CRPPA: variants seen among roughly 807,000 people sequenced by gnomAD.
CRPPA encodes the protein D-ribitol-5-phosphate cytidylyltransferase.
Under a neutral mutation model 52.0 loss-of-function variants are expected in CRPPA, and 43 were observed. The ratio of observed to expected loss-of-function variants is 0.83; its 90% CI spans 0.65 to 1.07. CRPPA has a LOEUF of 1.07. CRPPA is among the 50% of genes least tolerant of loss of function. CRPPA has a pLI of 0.00. For missense variants in CRPPA, 629 were observed against 551.7 expected (o/e 1.14, Z -1.40); for synonymous variants, 250 against 203.5 (o/e 1.23, Z -1.94).
chr7:16,421,007 G>A, intron 1 of CRPPA, 59 bp downstream of exon 1: 1 of 1,249,414 alleles, frequency 8.0e-7, no homozygotes, highest in Non-Finnish European at 1.0e-6. Flanking sequence ...GCAGCGGCAG[G>A]GCGGGGAGCG....
At chr7:16,224,858 A>G (rs1477784034) in intron 8 of CRPPA, among the ~76,000 whole-genome samples, 1 of 152,214 alleles carries the variant, frequency 6.6e-6, no homozygotes, top group Non-Finnish European at 1.5e-5. Context: ...TACGCTTAAA[A>G]TAAGCTTCTA....
At chr7:16,159,785 CTG>C (rs1783264134) in intron 9 of CRPPA, among the ~76,000 whole-genome samples, 1 of 152,170 alleles carries the variant, frequency 6.6e-6, no homozygotes, top group African/African-American at 2.4e-5. Flanking sequence ...AATCGCCACA[CTG>C]TTTTCCACAA....
chr7:16,348,197 C>G (rs1450200452), intron 3 of CRPPA, among the ~76,000 whole-genome samples: 3 of 152,162 alleles, frequency 2.0e-5, no homozygotes, highest in Non-Finnish European at 4.4e-5. Flanking sequence ...AACTCCAAGT[C>G]TATTAATTTA....
At chr7:16,374,347 C>T (rs1463341065) in intron 3 of CRPPA, among the ~76,000 whole-genome samples, 1 of 152,170 alleles carries the variant, frequency 6.6e-6, no homozygotes, top group Non-Finnish European at 1.5e-5. Context: ...GAAGGCTGCA[C>T]TCTCAACTTC....
At chr7:16,398,377 T>C (rs1158554797) in intron 2 of CRPPA, among the ~76,000 whole-genome samples, 1 of 113,984 alleles carries the variant, frequency 8.8e-6, no homozygotes, top group Non-Finnish European at 1.7e-5. Context: ...GACCAGGGCA[T>C]GATTGACATG....
At chr7:16,379,685 C>A (rs1488918350) in intron 2 of CRPPA, among the ~76,000 whole-genome samples, 1 of 152,132 alleles carries the variant, frequency 6.6e-6, no homozygotes, top group Non-Finnish European at 1.5e-5. Flanking sequence ...GTTTGTAGTT[C>A]TCCTTGAAGA....
At chr7:16,222,515 G>T (rs1040973569) in intron 8 of CRPPA, among the ~76,000 whole-genome samples, 9 of 151,248 alleles carry the variant, frequency 6.0e-5, no homozygotes, top group Non-Finnish European at 1.2e-4. Context: ...AATACATAAA[G>T]TATGTGCATT....
chr7:16,370,495 G>C (rs1316875331), intron 3 of CRPPA, among the ~76,000 whole-genome samples: 1 of 152,054 alleles, frequency 6.6e-6, no homozygotes, highest in African/African-American at 2.4e-5. Flanking sequence ...AGCCCCACTG[G>C]GTGGCTAGAC....
intron 3 of CRPPA, among the ~76,000 whole-genome samples, chr7:16,361,879 G>A (rs1786455863): frequency 6.6e-6 from 1 of 151,956 alleles, no homozygotes; most frequent in African/African-American, 2.4e-5. Flanking sequence ...TCTTTAGACA[G>A]AGTCTCGCTC....
chr7:16,206,212 T>A (rs1389488340), intron 9 of CRPPA, among the ~76,000 whole-genome samples: 1 of 152,136 alleles, frequency 6.6e-6, no homozygotes, highest in Non-Finnish European at 1.5e-5. Flanking sequence ...TTTTGTTACC[T>A]TACTTTACAG....
intron 8 of CRPPA, among the ~76,000 whole-genome samples, chr7:16,241,006 C>T (rs969354059): frequency 6.6e-6 from 1 of 151,988 alleles, no homozygotes; most frequent in Non-Finnish European, 1.5e-5. Context: ...TTTTTCCATG[C>T]TATTACTTAG....
chr7:16,168,207 T>C (rs1462923920), intron 9 of CRPPA, among the ~76,000 whole-genome samples: 1 of 152,216 alleles, frequency 6.6e-6, no homozygotes, highest in Non-Finnish European at 1.5e-5. Context: ...TTGTGTGAAC[T>C]GGCTAAATAG....
At chr7:16,274,511 C>T (rs187893287) in intron 6 of CRPPA, among the ~76,000 whole-genome samples, 19 of 152,150 alleles carry the variant, frequency 1.2e-4, no homozygotes, top group Admixed American at 7.8e-4. Context: ...AATAACAGGA[C>T]ACCCAAAGTT....
intron 8 of CRPPA, among the ~76,000 whole-genome samples, chr7:16,227,843 C>G (rs1437657068): frequency 6.6e-6 from 1 of 151,788 alleles, no homozygotes; most frequent in East Asian, 1.9e-4. Context: ...AGGATTTTCT[C>G]CTATGTATCT....
intron 3 of CRPPA, among the ~76,000 whole-genome samples, chr7:16,351,574 C>A (rs573771287): frequency 1.9e-4 from 28 of 151,070 alleles, no homozygotes; most frequent in African/African-American, 6.8e-4. Flanking sequence ...GAAAAAAAAA[C>A]AAACAAACAA....
chr7:16,249,420 C>T (rs577247825), intron 8 of CRPPA, among the ~76,000 whole-genome samples: 6 of 152,306 alleles, frequency 3.9e-5, no homozygotes, highest in East Asian at 3.9e-4. Flanking sequence ...CTGACACCCG[C>T]GTAGCCTGAC....
At chr7:16,181,462 A>T (rs1781410773) in intron 9 of CRPPA, among the ~76,000 whole-genome samples, 1 of 151,974 alleles carries the variant, frequency 6.6e-6, no homozygotes. Context: ...CAAATTATTG[A>T]ATTTTGTTAC....
At chr7:16,305,276 C>T (rs1784883226) in intron 4 of CRPPA, among the ~76,000 whole-genome samples, 1 of 152,108 alleles carries the variant, frequency 6.6e-6, no homozygotes, top group Non-Finnish European at 1.5e-5. Context: ...CTAGCATCAC[C>T]TCAGTTAACA....
At chr7:16,296,201 A>T (rs1784671861) in intron 5 of CRPPA, among the ~76,000 whole-genome samples, 1 of 152,164 alleles carries the variant, frequency 6.6e-6, no homozygotes, top group South Asian at 2.1e-4. Context: ...TTACCTAAAA[A>T]CATAAGATAA....
Sources: gnomAD v4.1 joint callset for allele counts (sites outside exome capture counted in the v4.1 genomes callset) on GRCh38, gnomAD v4.1.1 for gene constraint, MANE v1.5 for transcripts, NCBI Gene and HGNC (gene_info 2026-07-23, HGNC 2026-07-21) for gene names.